Variants in SIK3 observed in about 807,000 individuals in gnomAD.
The protein encoded by SIK3 is serine/threonine-protein kinase SIK3.
A neutral mutation model predicts 144.2 loss-of-function variants in SIK3; 28 were observed. The observed-to-expected ratio is 0.19, with a 90% CI of 0.14 to 0.27. The LOEUF (loss-of-function observed/expected upper bound fraction) is 0.27, where lower values mean the gene tolerates loss of function less well. Ranked by LOEUF, SIK3 falls within the 10% of genes least tolerant of loss-of-function variation. SIK3 has a pLI of 1.00. For synonymous variants in SIK3, 686 were observed against 676.3 expected (o/e 1.01, Z -0.22); for missense variants, 1,319 against 1,776.0 (o/e 0.74, Z 4.62).
At chr11:116,877,478 G>T (rs912872112) in intron 6 of SIK3, among the ~76,000 whole-genome samples, 29 of 152,188 alleles carry the variant, frequency 1.9e-4, no homozygotes, top group Non-Finnish European at 3.7e-4. Context: ...TGGCTTAGGT[G>T]TGCAATACCC....
At chr11:117,042,382 A>T (rs1344313698) in intron 1 of SIK3, among the ~76,000 whole-genome samples, 1 of 152,226 alleles carries the variant, frequency 6.6e-6, no homozygotes, top group African/African-American at 2.4e-5. Flanking sequence ...CAATGGTTAA[A>T]GGCCAGAGTG....
intron 1 of SIK3, among the ~76,000 whole-genome samples, chr11:117,079,459 A>G (rs1425098276): frequency 6.6e-6 from 1 of 152,236 alleles, no homozygotes; most frequent in African/African-American, 2.4e-5. Flanking sequence ...GCATTGTGCT[A>G]GACACTGAAA....
intron 1 of SIK3, among the ~76,000 whole-genome samples, chr11:116,965,034 A>C (rs1201789578): frequency 6.6e-6 from 1 of 152,220 alleles, no homozygotes; most frequent in Non-Finnish European, 1.5e-5. Context: ...TAGAGAACAG[A>C]AAGTTTACTG....
intron 3 of SIK3, chr11:116,949,987 G>A: frequency 2.5e-6 from 1 of 403,230 alleles, no homozygotes; most frequent in South Asian, 1.7e-5. Context: ...CCCACTCTAG[G>A]AACTGAGAGT....
intron 6 of SIK3, among the ~76,000 whole-genome samples, chr11:116,891,600 A>T (rs1945115293): frequency 6.6e-6 from 1 of 152,168 alleles, no homozygotes; most frequent in Non-Finnish European, 1.5e-5. Context: ...CTTAGAGGCA[A>T]TGGTAAACCA....
chr11:116,922,400 AG>A (rs1947036619), intron 4 of SIK3, among the ~76,000 whole-genome samples: 1 of 152,122 alleles, frequency 6.6e-6, no homozygotes, highest in African/African-American at 2.4e-5. Context: ...CTGAGGCAGG[AG>A]GATCACTTGA....
intron 4 of SIK3, among the ~76,000 whole-genome samples, chr11:116,907,922 T>G (rs1269294918): frequency 6.7e-6 from 1 of 148,838 alleles, no homozygotes; most frequent in African/African-American, 2.5e-5. Flanking sequence ...TCACACTCTA[T>G]CCCCAAATTA....
intron 1 of SIK3, among the ~76,000 whole-genome samples, chr11:117,053,039 C>A (rs757963257): frequency 6.6e-6 from 1 of 152,032 alleles, no homozygotes; most frequent in Non-Finnish European, 1.5e-5. Context: ...GGGAAATATA[C>A]ACAAAAAAGT....
chr11:116,991,396 G>A (rs986035175), intron 1 of SIK3, among the ~76,000 whole-genome samples: 2 of 152,290 alleles, frequency 1.3e-5, no homozygotes, highest in Admixed American at 6.5e-5. Context: ...GCAGTGAGTC[G>A]AGATCATGCC....
At chr11:116,969,373 CA>C (rs911523155) in intron 1 of SIK3, among the ~76,000 whole-genome samples, 3 of 149,764 alleles carry the variant, frequency 2.0e-5, no homozygotes, top group African/African-American at 7.4e-5. Flanking sequence ...ACATCCCCAC[CA>C]AAAAATCATA....
At chr11:116,907,112 G>A (rs1182236387) in intron 4 of SIK3, among the ~76,000 whole-genome samples, 3 of 152,108 alleles carry the variant, frequency 2.0e-5, no homozygotes, top group Non-Finnish European at 4.4e-5. Flanking sequence ...TGAGTGCTGC[G>A]CTACAGCACC....
chr11:116,843,719 G>A lies in SIK3; in HGVS notation c.*1924C>T, dbSNP rs1483264790. 6.6e-6 allele frequency: 1 copy of A among 152,220 alleles called. No homozygotes were observed. Among genetic ancestry groups the A allele is most frequent in the Non-Finnish European group, 1.5e-5 (1 of 68,080 alleles). 9.4% of individuals were successfully genotyped at this position (152,220 alleles called of 1,614,324 possible). The stretch of plus-strand genomic sequence containing the variant: ...CGCGTGGTGGTGGTAGGGCAGGTTG[G>A]GGGCATAAGAGTTGGAACAAGCGCA... On this transcript the variant is annotated 3_prime_UTR_variant, in exon 25 of 25. Coordinates refer to ENST00000445177, the MANE Select transcript of SIK3 (RefSeq NM_001366686.3).
At chr11:117,023,609 CAAAAAA>C (rs71469123) in intron 1 of SIK3, among the ~76,000 whole-genome samples, 3,346 of 51,982 alleles carry the variant, frequency 0.064, 113 homozygotes, top group Non-Finnish European at 0.082. Flanking sequence ...AACAAACAAA[CAAAAAA>C]AAAAAAATAT....
chr11:116,892,687 T>TA (rs749785573), intron 6 of SIK3, among the ~76,000 whole-genome samples: 4 of 152,230 alleles, frequency 2.6e-5, no homozygotes, highest in Non-Finnish European at 4.4e-5. Context: ...TCCATGCTCT[T>TA]ACCATATGAT....
chr11:116,852,944 G>A (rs1192022180), intron 21 of SIK3, among the ~76,000 whole-genome samples: 1 of 152,172 alleles, frequency 6.6e-6, no homozygotes, highest in East Asian at 1.9e-4. Flanking sequence ...ACCTGGAAGG[G>A]CTAGCATCTT....
In SIK3 at chr11:116,873,489, T is replaced by C. The variant is rs750188463; in HGVS notation, c.1729A>G (p.Met577Val). 5 of 1,613,964 alleles carry C rather than the reference T, an allele frequency of 3.1e-6. No individual in the cohort carries two copies. Among genetic ancestry groups the C allele is most frequent in the Non-Finnish European group, 4.2e-6 (5 of 1,180,002 alleles). Residue 577 changes from methionine (M) to valine (V), a missense_variant, in exon 13 of 25, where the codon ATG (methionine) becomes GTG (valine). By Grantham distance (21) the Met-to-Val change is conservative. Transcript: ENST00000445177. ...RPRGPSPLVT[M>V]TPAVPAVTPV... is the part of the protein sequence containing the mutation. ...TCTGTGCTGCTACTCACTGGTGTCATGGTGACAAGCGGAGAGGGTCCCCGT... is the reference window on the plus strand; with the variant it reads ...TCTGTGCTGCTACTCACTGGTGTCACGGTGACAAGCGGAGAGGGTCCCCGT...
At chr11:116,868,742 G>A (rs1165148778) in intron 14 of SIK3, 1 of 152,380 alleles carries the variant, frequency 6.6e-6, no homozygotes, top group Non-Finnish European at 1.5e-5. Flanking sequence ...GTTTAGTTAG[G>A]GAGGGAAAAA....
At chr11:117,097,993 C>A in intron 1 of SIK3, 150 bp downstream of exon 1, 1 of 1,104,224 alleles carries the variant, frequency 9.1e-7, no homozygotes, top group South Asian at 4.2e-5. Flanking sequence ...AGCTCCGCGC[C>A]CGCCCCGCCG....
intron 1 of SIK3, among the ~76,000 whole-genome samples, chr11:117,010,073 C>T (rs1176468559): frequency 2.0e-5 from 3 of 151,874 alleles, no homozygotes. Context: ...ACATGATCAT[C>T]AAGGGGACGG....
Sources: gnomAD v4.1 joint callset for allele counts (sites outside exome capture counted in the v4.1 genomes callset) on GRCh38, gnomAD v4.1.1 for gene constraint, MANE v1.5 for transcripts, NCBI Gene and HGNC (gene_info 2026-07-23, HGNC 2026-07-21) for gene names.